The following PAK4 variants were observed in gnomAD, a reference collection of about 807,000 sequenced individuals.
PAK4 encodes serine/threonine-protein kinase PAK 4.
A neutral mutation model predicts 53.5 loss-of-function variants in PAK4; 49 were observed. The observed-to-expected ratio is 0.92, with a 90% CI of 0.73 to 1.16. The LOEUF (loss-of-function observed/expected upper bound fraction) is 1.16, where lower values mean the gene tolerates loss of function less well. Among genes scored for constraint, PAK4 ranks in the 50% most tolerant of loss-of-function variants. The probability of loss-of-function intolerance (pLI) is 0.00; values close to 1 mark genes in which losing one functional copy is unlikely to be tolerated. For missense variants in PAK4, 824 were observed against 850.7 expected, an observed-to-expected ratio of 0.97 and a Z score of 0.39; for synonymous variants, 376 against 375.6, an observed-to-expected ratio of 1.00 and a Z score of -0.01.
chr19:39,153,094 T>TAC (rs1568509717), intron 1 of PAK4, among the ~76,000 whole-genome samples: 1 of 152,098 alleles, frequency 6.6e-6, no homozygotes, highest in African/African-American at 2.4e-5. Flanking sequence ...ATTGTTAGGA[T>TAC]ACACAGTGAA....
intron 1 of PAK4, among the ~76,000 whole-genome samples, chr19:39,137,669 C>CTTT (rs754678702): frequency 2.1e-5 from 3 of 140,294 alleles, no homozygotes; most frequent in Non-Finnish European, 3.1e-5. Flanking sequence ...GGTCACTTTC[C>CTTT]TTTTTTTTTT....
intron 1 of PAK4, among the ~76,000 whole-genome samples, chr19:39,156,245 T>C (rs1007195538): frequency 3.9e-5 from 6 of 152,064 alleles, no homozygotes; most frequent in Non-Finnish European, 7.4e-5. Context: ...AAGTTCCAGC[T>C]CTCCAGTTCT....
At chr19:39,128,164 G>A (rs2073626241) in intron 1 of PAK4, among the ~76,000 whole-genome samples, 1 of 152,206 alleles carries the variant, frequency 6.6e-6, no homozygotes, top group African/African-American at 2.4e-5. Context: ...TCTGCAAGAT[G>A]GGCATAGTGT....
At position 39,161,276 on chromosome 19, in the gene PAK4, C is replaced by T. The variant is rs1190222008; in HGVS notation, c.-22-8256C>T. On this transcript the variant is annotated intron_variant, in intron 1 of 8. Transcript: ENST00000358301. The surrounding 1 kb of genome is among the most constrained non-coding windows in gnomAD (Gnocchi z 4.5). The stretch of plus-strand genomic sequence containing the variant: ...ACTTAGCGAGGAAGATGGCCACAGA[C>T]AGGCAAACAACTGTAATGTGTGAGG... Among the ~76,000 whole-genome samples the T allele has an allele frequency of 6.6e-6, 1 of 152,230 alleles. No homozygotes were observed. The highest frequency in any genetic ancestry group is 1.5e-5 in the Non-Finnish European group (1 of 68,040).
chr19:39,166,120 G>A (rs1371823517), intron 1 of PAK4, among the ~76,000 whole-genome samples: 2 of 152,176 alleles, frequency 1.3e-5, no homozygotes, highest in Admixed American at 6.5e-5. Context: ...CACTGTCTCT[G>A]GGCCAGGCCC....
chr19:39,145,391 T>C (rs2073983208), intron 1 of PAK4, among the ~76,000 whole-genome samples: 1 of 152,214 alleles, frequency 6.6e-6, no homozygotes, highest in Non-Finnish European at 1.5e-5. Context: ...GAGATTTCTC[T>C]GGGTGGAGTA....
intron 1 of PAK4, among the ~76,000 whole-genome samples, chr19:39,162,896 G>A (rs564697645): frequency 2.0e-5 from 3 of 152,206 alleles, no homozygotes; most frequent in South Asian, 2.1e-4. Context: ...GGGATGTGTC[G>A]GTCCCAAACC....
chr19:39,175,544 C>G lies in PAK4; in HGVS notation c.1359+106C>G, dbSNP rs1267704103. On this transcript the variant is annotated intron_variant, in intron 6 of 8. Coordinates refer to ENST00000358301, the Ensembl canonical transcript of PAK4. The surrounding 1 kb of genome is among the most constrained non-coding windows in gnomAD (Gnocchi z 4.7). ...GGTAGGTGAGCTCTGACCCCCAGGT[C>G]TGTGTCTTGAGGAGCTGGGAACTTC... The G allele has an allele frequency of 4.0e-6, 5 of 1,261,816 alleles. No individual in the cohort carries two copies. The highest frequency in any genetic ancestry group is 5.5e-6 in the Non-Finnish European group (5 of 911,038). The allele number at this position is 1,261,816 out of a possible 1,614,324, so 78.2% of individuals were successfully genotyped here. A position where few individuals can be genotyped will look rare whatever the true frequency, so the allele number is the denominator to read the frequency against.
chr19:39,136,894 G>A (rs768609824), intron 1 of PAK4, among the ~76,000 whole-genome samples: 2 of 152,172 alleles, frequency 1.3e-5, no homozygotes, highest in East Asian at 1.9e-4. Flanking sequence ...ACTTGGCCTC[G>A]ACTAAGGGAG....
At chr19:39,166,317 G>A (rs2074375064) in intron 1 of PAK4, among the ~76,000 whole-genome samples, 1 of 152,198 alleles carries the variant, frequency 6.6e-6, no homozygotes, top group Non-Finnish European at 1.5e-5. Context: ...GGTGGCAGGC[G>A]CCTGTAATCC....
At chr19:39,129,681 G>A (rs2073663947) in intron 1 of PAK4, among the ~76,000 whole-genome samples, 1 of 129,208 alleles carries the variant, frequency 7.7e-6, no homozygotes, top group African/African-American at 2.9e-5. Flanking sequence ...CACACAACTG[G>A]CTTAGCTGGG....
intron 1 of PAK4, among the ~76,000 whole-genome samples, chr19:39,127,587 T>C (rs1424855228): frequency 6.6e-6 from 1 of 151,584 alleles, no homozygotes; most frequent in Non-Finnish European, 1.5e-5. Flanking sequence ...TTGCTGGGGG[T>C]TGACTGTTGG....
At position 39,173,450 on chromosome 19, in the gene PAK4, C is replaced by G. The variant is rs2074530708; in HGVS notation, c.663+74C>G. On this transcript the variant is annotated intron_variant, in intron 3 of 8. Transcript: ENST00000358301. The surrounding 1 kb of genome is among the most constrained non-coding windows in gnomAD (Gnocchi z 6.9). Reference sequence around the variant, plus strand: ...CCTCTGTCCCCACCTTCCAGCCCCGCCCCACCACCGTGCATCTCATCCTGA... The same window carrying G: ...CCTCTGTCCCCACCTTCCAGCCCCGGCCCACCACCGTGCATCTCATCCTGA... The G allele has an allele frequency of 3.2e-5, 43 of 1,360,116 alleles. No homozygotes were observed. Among genetic ancestry groups the G allele is most frequent in the Non-Finnish European group, 4.1e-5 (41 of 1,008,546 alleles). 84.3% of individuals were successfully genotyped at this position (1,360,116 alleles called of 1,614,324 possible).
At chr19:39,133,484 C>T (rs953043968) in intron 1 of PAK4, among the ~76,000 whole-genome samples, 2 of 152,112 alleles carry the variant, frequency 1.3e-5, no homozygotes, top group Non-Finnish European at 1.5e-5. Flanking sequence ...GGGGACCTGG[C>T]CCCGTCACAG....
At position 39,178,689 on chromosome 19, in the gene PAK4, G is replaced by C; in HGVS notation, c.*110G>C. 2.1e-6 allele frequency: 2 copies of C among 966,052 alleles called. No homozygotes were observed. Among genetic ancestry groups the C allele is most frequent in the African/African-American group, 1.7e-5 (1 of 59,530 alleles). The allele number at this position is 966,052 out of a possible 1,614,324, so 59.8% of individuals were successfully genotyped here. A position where few individuals can be genotyped will look rare whatever the true frequency, so the allele number is the denominator to read the frequency against. ...CCTCCCAGCCCGGGAGATGCTCCGC[G>C]TGGCACCACCCTCCTTGCTGGGGGT... On this transcript the variant is annotated 3_prime_UTR_variant, in exon 9 of 9. Transcript: ENST00000358301. The surrounding 1 kb of genome is among the most constrained non-coding windows in gnomAD (Gnocchi z 4.4).
At position 39,178,815 on chromosome 19, in the gene PAK4, T is replaced by A; in HGVS notation, c.*236T>A. 1 of 472,794 alleles carries A rather than the reference T, an allele frequency of 2.1e-6. No homozygotes were observed. Among genetic ancestry groups the A allele is most frequent in the East Asian group, 3.9e-5 (1 of 25,962 alleles). The allele number at this position is 472,794 out of a possible 1,614,324, so 29.3% of individuals were successfully genotyped here. A position where few individuals can be genotyped will look rare whatever the true frequency, so the allele number is the denominator to read the frequency against. On this transcript the variant is annotated 3_prime_UTR_variant, in exon 9 of 9. Transcript: ENST00000358301. This position sits in a 1 kb window ranked among gnomAD's most constrained non-coding sequence, Gnocchi z 4.4. The stretch of plus-strand genomic sequence containing the variant: ...CGAGGCTCCCAGGACCCCCACCCTC[T>A]GGGACAGGCCCTCCCCCATGTTCTT...
At chr19:39,127,769 C>T (rs1055174639) in intron 1 of PAK4, among the ~76,000 whole-genome samples, 2 of 152,142 alleles carry the variant, frequency 1.3e-5, no homozygotes, top group Non-Finnish European at 2.9e-5. Context: ...CTTCAGAGAG[C>T]CGGGAGAGTG....
At chr19:39,130,636 G>A (rs4273158) in intron 1 of PAK4, among the ~76,000 whole-genome samples, 43,724 of 151,646 alleles carry the variant, frequency 0.29, 7,316 homozygotes, top group Non-Finnish European at 0.38. Context: ...TCTGCAAAGA[G>A]CAGTTAAAGA....
chr19:39,176,874 C>CT (rs34636072), intron 7 of PAK4, among the ~76,000 whole-genome samples, 159 bp downstream of exon 8: 1,961 of 146,892 alleles, frequency 0.013, 26 homozygotes, highest in Admixed American at 0.023. Context: ...ATTCATTCTT[C>CT]TTTTTTTTTT....
Sources: gnomAD v4.1 joint callset for allele counts (sites outside exome capture counted in the v4.1 genomes callset) on GRCh38, gnomAD v4.1.1 for gene constraint, Gnocchi (gnomAD v3.1) non-coding constraint, MANE v1.5 for transcripts, NCBI Gene and HGNC (gene_info 2026-07-23, HGNC 2026-07-21) for gene names.